CAMTA2: variants seen among roughly 807,000 people sequenced by gnomAD.
CAMTA2 encodes calmodulin binding transcription activator 2, also known as calmodulin-binding transcription activator 2.
In CAMTA2, 56 loss-of-function variants were observed where a neutral mutation model predicts 135.7. That is an observed-to-expected ratio of 0.41 (90% confidence interval 0.33 to 0.52). The LOEUF is 0.52. CAMTA2 is among the 20% of genes least tolerant of loss of function. The pLI is 0.16. For missense variants in CAMTA2, 1,358 were observed against 1,553.4 expected (o/e 0.87, Z 2.11); for synonymous variants, 591 against 604.6 (o/e 0.98, Z 0.33).
chr17:4,974,041 C>T, intron 12 of CAMTA2: 4 of 539,534 alleles, frequency 7.4e-6, no homozygotes, highest in Non-Finnish European at 1.3e-5. Flanking sequence ...TTCTCCCCCT[C>T]AGAAGCCAGA....
In CAMTA2 at chr17:4,968,693, A is replaced by G. The variant is rs1454849124; in HGVS notation, c.*63T>C. On this transcript the variant is annotated 3_prime_UTR_variant, in exon 23 of 23. Coordinates refer to ENST00000348066, the MANE Select transcript of CAMTA2 (RefSeq NM_015099.4). ...GACAGGGGCTCCCCCTGCCCCAGAA[A>G]GCCCTCTCCCTGTTAAGACTGCACG... The G allele has an allele frequency of 2.5e-6, 4 of 1,595,980 alleles. No homozygotes were observed. Among genetic ancestry groups the G allele is most frequent in the African/African-American group, 1.3e-5 (1 of 74,598 alleles).
intron 4 of CAMTA2, 23 bp downstream of exon 4, chr17:4,982,953 C>G (rs762212021): frequency 1.2e-6 from 2 of 1,614,164 alleles, no homozygotes; most frequent in East Asian, 2.2e-5. Flanking sequence ...CTGCCACTCC[C>G]CCATGTTCTC....
intron 1 of CAMTA2, 150 bp downstream of exon 1, chr17:4,987,443 T>A: frequency 7.2e-7 from 1 of 1,381,692 alleles, no homozygotes; most frequent in Non-Finnish European, 9.3e-7. Context: ...CGGCGCCCCC[T>A]GGCGCGGGGG....
Position 4,974,479 on chromosome 17 carries a change from A to G in CAMTA2, c.1922T>C (p.Ile641Thr), listed in dbSNP as rs1347105649. ...CTCCATCTGCTCCAGTCGCTCTAGT[A>G]TGGACATCCGGAACTGGTTGTCTGA... ...SLDDNQFRMS[I>T]LERLEQMEKR... The change falls in exon 12 of 23, where the codon ATA becomes ACA. Residue 641 changes from isoleucine to threonine, a missense_variant. Ile to Thr is a moderately conservative substitution (Grantham distance 89, BLOSUM62 -1). This residue lies in a region of CAMTA2 where 1,077 missense variants were observed against 1,127.5 expected (regional missense o/e 0.96). Coordinates refer to ENST00000348066, the MANE Select transcript of CAMTA2 (RefSeq NM_015099.4). 3 of 1,613,692 alleles carry G rather than the reference A, an allele frequency of 1.9e-6. No homozygotes were observed. In the Admixed American group the frequency reaches 5.0e-5, roughly 27 times the overall value.
At position 4,970,436 on chromosome 17, in the gene CAMTA2, C is replaced by G. The variant is rs764788058; in HGVS notation, c.2909G>C (p.Arg970Pro). ...VGLPEAGASMRERTGAVGLSE... is the reference protein window; with the variant it reads ...VGLPEAGASMPERTGAVGLSE... Reference sequence around the variant, plus strand: ...GAGCCCCACAGCCCCTGTCCGCTCCCGCATTGAGGCTCCAGCCTCGGGCAG... The same window carrying G: ...GAGCCCCACAGCCCCTGTCCGCTCCGGCATTGAGGCTCCAGCCTCGGGCAG... The change falls in exon 17 of 23, where the codon CGG becomes CCG. Residue 970 changes from arginine to proline, a missense_variant. By Grantham distance (103) the Arg-to-Pro change is moderately radical. This residue lies in a region of CAMTA2 where 1,077 missense variants were observed against 1,127.5 expected (regional missense o/e 0.96). Coordinates refer to ENST00000348066, the MANE Select transcript of CAMTA2 (RefSeq NM_015099.4). 9.3e-6 allele frequency: 15 copies of G among 1,614,026 alleles called. No individual in the cohort carries two copies. Among genetic ancestry groups the G allele is most frequent in the African/African-American group, 2.7e-5 (2 of 74,900 alleles).
intron 12 of CAMTA2, 110 bp downstream of exon 12, chr17:4,974,274 GA>G (rs1458342172): frequency 7.8e-5 from 55 of 709,314 alleles, no homozygotes; most frequent in Non-Finnish European, 7.5e-6. Context: ...AAGACAGGCT[GA>G]GGAGGCTGGG....
intron 3 of CAMTA2, among the ~76,000 whole-genome samples, chr17:4,985,276 T>C (rs1477622706): frequency 2.0e-5 from 3 of 152,266 alleles, no homozygotes; most frequent in Non-Finnish European, 2.9e-5. Flanking sequence ...GGGCTTGCTC[T>C]ATAGAACCGT....
chr17:4,969,822 C>G lies in CAMTA2; in HGVS notation c.3189+80G>C. ...CATCCAAGGCCTGTCTGCACGACTA[C>G]TCATCCTCCAAAAGCCCTGGGAGCC... On this transcript the variant is annotated intron_variant, in intron 18 of 22. Coordinates refer to ENST00000348066, the MANE Select transcript of CAMTA2 (RefSeq NM_015099.4). The surrounding 1 kb of genome is among the most constrained non-coding windows in gnomAD (Gnocchi z 5.6). The G allele has an allele frequency of 6.3e-7, 1 of 1,592,382 alleles. No homozygotes were observed. The highest frequency in any genetic ancestry group is 8.6e-7 in the Non-Finnish European group (1 of 1,163,194).
At chr17:4,985,252 T>C (rs575697433) in intron 3 of CAMTA2, among the ~76,000 whole-genome samples, 4 of 152,252 alleles carry the variant, frequency 2.6e-5, no homozygotes, top group African/African-American at 7.2e-5. Context: ...ATCAATAACA[T>C]AGGAGCAATA....
chr17:4,983,009 T>C lies in CAMTA2; in HGVS notation c.170A>G (p.His57Arg), dbSNP rs1973059329. Reference protein sequence around the residue: ...IASYLITFEKHDEWLSCAPKT... With the variant: ...IASYLITFEKRDEWLSCAPKT... ...TGGGGCACAAGACAGCCACTCATCA[T>C]GCTTCTCAAAGGTGATCAGGTAGGA... The change falls in exon 4 of 23, where the codon CAT becomes CGT. Residue 57 changes from histidine to arginine, a missense_variant. Around this residue, in one of 4 missense-constraint regions of CAMTA2, gnomAD observed 105 missense variants for 190.9 expected, o/e 0.55. Coordinates refer to ENST00000348066, the MANE Select transcript of CAMTA2 (RefSeq NM_015099.4). The C allele has an allele frequency of 6.2e-7, 1 of 1,614,166 alleles. No individual in the cohort carries two copies.
At chr17:4,981,413 T>C in intron 7 of CAMTA2, 54 bp from the exon 8 acceptor site, 1 of 1,594,616 alleles carries the variant, frequency 6.3e-7, no homozygotes, top group South Asian at 1.1e-5. Context: ...GGCCCCAGAG[T>C]ACCTTGATGG....
At chr17:4,978,462 C>A in intron 10 of CAMTA2, 42 bp downstream of exon 10, 1 of 1,605,306 alleles carries the variant, frequency 6.2e-7, no homozygotes, top group South Asian at 1.1e-5. Flanking sequence ...TCCTAACTGC[C>A]CACATGTCAG....
At chr17:4,986,324 C>T (rs1241323095) in intron 1 of CAMTA2, 38 bp from the exon 2 acceptor site, 1 of 797,410 alleles carries the variant, frequency 1.3e-6, no homozygotes, top group African/African-American at 1.7e-5. Context: ...CAGAAGCCCC[C>T]ACATTAATCC....
chr17:4,987,362 A>G, intron 1 of CAMTA2: 1 of 1,360,626 alleles, frequency 7.3e-7, no homozygotes, highest in Non-Finnish European at 9.4e-7. Context: ...GGGACAGTGC[A>G]GGTGCCGGGT....
rs367851252 is a variant in CAMTA2 at position 4,980,579 on chromosome 17, C to T, written c.743G>A (p.Arg248His). ...GGGCTCCACTTTGGGAGAGATGATG[C>T]GGTGTTTCGTGCTGCTGCATTTGTG... ...LTHKCSSTKH[R>H]IISPKVEPRA... The change falls in exon 9 of 23, where the codon CGC becomes CAC. Residue 248 changes from arginine (R) to histidine (H), a missense_variant. Arg to His is a conservative substitution (Grantham distance 29). Transcript: ENST00000348066. This position sits in a 1 kb window ranked among gnomAD's most constrained non-coding sequence, Gnocchi z 5.3. 6.8e-6 allele frequency: 11 copies of T among 1,613,750 alleles called. No individual in the cohort carries two copies. The highest frequency in any genetic ancestry group is 4.4e-5 in the South Asian group (4 of 91,074).
chr17:4,973,239 C>T lies in CAMTA2; in HGVS notation c.2216G>A (p.Gly739Glu). The T allele has an allele frequency of 6.2e-7, 1 of 1,613,794 alleles. No individual in the cohort carries two copies. Residue 739 changes from glycine (G) to glutamate (E), a missense_variant, in exon 14 of 23, where the codon GGA (glycine) becomes GAA (glutamate). Physicochemically the swap from Gly to Glu is moderately conservative, Grantham distance 98. This residue lies in a region of CAMTA2 where 1,077 missense variants were observed against 1,127.5 expected (regional missense o/e 0.96). Coordinates refer to ENST00000348066, the MANE Select transcript of CAMTA2 (RefSeq NM_015099.4). ...AACCTCCTGCTCTAAGTCCAAGCTT[C>T]CAGTCTCCACACTCCTGGAGGGTTT... ...TLSQWRSVET[G>E]SLDLEQEVDP... is the part of the protein sequence containing the mutation.
Position 4,969,771 on chromosome 17 carries a change from C to A in CAMTA2, c.3190-70G>T. 1 of 1,602,144 alleles carries A rather than the reference C, an allele frequency of 6.2e-7. No individual in the cohort carries two copies. The highest frequency in any genetic ancestry group is 8.5e-7 in the Non-Finnish European group (1 of 1,170,338). On this transcript the variant is annotated intron_variant, in intron 18 of 22. Transcript: ENST00000348066. The surrounding 1 kb of genome is among the most constrained non-coding windows in gnomAD (Gnocchi z 5.6). ...ATATCTGACTTGTCCCTTCAACTTT[C>A]CTGGGGTTCCCCTGACCCTTTACCC...
Position 4,981,216 on chromosome 17 carries a change from G to A in CAMTA2, c.700+9C>T, listed in dbSNP as rs754841517. 55 of 1,612,786 alleles carry A rather than the reference G, an allele frequency of 3.4e-5. No homozygotes were observed. In the South Asian group the frequency reaches 5.7e-4, roughly 17 times the overall value. On this transcript the variant is annotated intron_variant, in intron 8 of 22. Coordinates refer to ENST00000348066, the MANE Select transcript of CAMTA2 (RefSeq NM_015099.4). ...GGGAAGACAGCCAAAAGGTCAGGGA[G>A]TAACTTACCAAGCCCCCCACTGCAG... is the stretch of plus-strand genomic sequence containing the variant.
At chr17:4,976,365 A>C (rs1225891297) in intron 11 of CAMTA2, among the ~76,000 whole-genome samples, 1 of 152,174 alleles carries the variant, frequency 6.6e-6, no homozygotes, top group African/African-American at 2.4e-5. Context: ...GTTAATGAAC[A>C]CGTCTTTATA....
Sources: gnomAD v4.1 joint callset for allele counts (sites outside exome capture counted in the v4.1 genomes callset) on GRCh38, gnomAD v4.1.1 for gene constraint, gnomAD v4.1.1 regional missense constraint, Gnocchi (gnomAD v3.1) non-coding constraint, MANE v1.5 for transcripts, NCBI Gene and HGNC (gene_info 2026-07-23, HGNC 2026-07-21) for gene names.